Variants in ZBTB20 observed in about 807,000 individuals in gnomAD.
ZBTB20 encodes the protein zinc finger and BTB domain-containing protein 20.
Under a neutral mutation model 56.9 loss-of-function variants are expected in ZBTB20, and 9 were observed. The ratio of observed to expected loss-of-function variants is 0.16; its 90% confidence interval spans 0.10 to 0.28. The LOEUF is 0.28. Among genes scored for constraint, ZBTB20 ranks in the 10% least tolerant of loss-of-function variants. The pLI, the probability that ZBTB20 is intolerant of heterozygous loss-of-function variation, is 1.00. For synonymous variants in ZBTB20, 417 were observed against 420.7 expected, an observed-to-expected ratio of 0.99 and a Z score of 0.11; for missense variants, 655 against 1,003.0, an observed-to-expected ratio of 0.65 and a Z score of 4.69.
intron 4 of ZBTB20, among the ~76,000 whole-genome samples, chr3:114,805,422 C>T (rs998062097): frequency 6.6e-6 from 1 of 151,732 alleles, no homozygotes; most frequent in South Asian, 2.1e-4. Flanking sequence ...CCTTTTACAA[C>T]TTTGATTTGT....
rs2076826666 is a variant in ZBTB20, at chr3:114,944,641, T to G, written c.-456+29725A>C. 1.4e-5 allele frequency among the ~76,000 whole-genome samples: 2 copies of G among 145,582 alleles called. 1 individual carries two copies. The highest frequency in any genetic ancestry group is 5.6e-5 in the African/African-American group (2 of 35,774). The stretch of plus-strand genomic sequence containing the variant: ...GTTAAATACACACAACAGAATAATA[T>G]TCAGCCTTAGAAAATAAAGAAATCC... On this transcript the variant is annotated intron_variant, in intron 3 of 11. Coordinates refer to ENST00000675478, the MANE Select transcript of ZBTB20 (RefSeq NM_001348800.3).
rs887740825 is a variant in ZBTB20, at chr3:114,704,277, G to A, written c.-342-10702C>T. On this transcript the variant is annotated intron_variant, in intron 5 of 11. Transcript: ENST00000675478. ...TCTGCTTGCTTTCACTCTATATAAC[G>A]TCTATATTTATATGCTTATGCTTCT... Among the ~76,000 whole-genome samples, 10 of 151,844 alleles carry A rather than the reference G, an allele frequency of 6.6e-5. No individual in the cohort carries two copies. The East Asian group carries it at 1.4e-3, about 21-fold the overall frequency.
chr3:115,065,645 TATA>T (rs1268864106), intron 2 of ZBTB20, among the ~76,000 whole-genome samples: 1 of 152,214 alleles, frequency 6.6e-6, no homozygotes, highest in African/African-American at 2.4e-5. Context: ...ATCCTAGAGC[TATA>T]ATCATGCTAT....
At chr3:115,085,959 A>G (rs2082970987) in intron 1 of ZBTB20, among the ~76,000 whole-genome samples, 1 of 151,928 alleles carries the variant, frequency 6.6e-6, no homozygotes, top group Admixed American at 6.6e-5. Context: ...ACAATTTTTA[A>G]AAGCACCTAA....
chr3:114,963,963 A>G (rs1396188120), intron 3 of ZBTB20, among the ~76,000 whole-genome samples: 1 of 152,204 alleles, frequency 6.6e-6, no homozygotes, highest in Non-Finnish European at 1.5e-5. Context: ...TAAATTATGT[A>G]TACAACTGAC....
intron 7 of ZBTB20, among the ~76,000 whole-genome samples, chr3:114,492,684 T>C (rs776950851): frequency 7.2e-5 from 11 of 152,238 alleles, no homozygotes; most frequent in Non-Finnish European, 1.3e-4. Flanking sequence ...GCTACCTTGA[T>C]ATATATTTTT....
chr3:114,999,027 A>AT (rs2079138852), intron 2 of ZBTB20, among the ~76,000 whole-genome samples: 1 of 50,588 alleles, frequency 2.0e-5, no homozygotes, highest in South Asian at 7.5e-4. Flanking sequence ...GAGGTTGGGG[A>AT]GGGGAGGGGA....
rs567191543 is a variant in ZBTB20, at chr3:114,926,824, C to T, written c.-455-26482G>A. ...TGTCACCCAGGCTGGAATGCAGTGA[C>T]GTGATCATAGCTCACTGAAATTTCA... On this transcript the variant is annotated intron_variant, in intron 3 of 11. Coordinates refer to ENST00000675478, the MANE Select transcript of ZBTB20 (RefSeq NM_001348800.3). Among the ~76,000 whole-genome samples, 13 of 152,264 alleles carry T rather than the reference C, an allele frequency of 8.5e-5. No individual in the cohort carries two copies. The South Asian group carries it at 1.9e-3, about 22-fold the overall frequency.
At chr3:114,565,336 T>C (rs2052590119) in intron 6 of ZBTB20, among the ~76,000 whole-genome samples, 1 of 152,188 alleles carries the variant, frequency 6.6e-6, no homozygotes, top group African/African-American at 2.4e-5. Context: ...TCATAAACCA[T>C]AATTACCCGA....
At chr3:114,616,466 G>T (rs2057950647) in intron 6 of ZBTB20, among the ~76,000 whole-genome samples, 1 of 152,170 alleles carries the variant, frequency 6.6e-6, no homozygotes, top group Non-Finnish European at 1.5e-5. Flanking sequence ...CACTTCTGCA[G>T]CAGGATCTGG....
At chr3:114,611,859 G>C (rs1299137299) in intron 6 of ZBTB20, among the ~76,000 whole-genome samples, 1 of 146,206 alleles carries the variant, frequency 6.8e-6, no homozygotes, top group African/African-American at 2.6e-5. Flanking sequence ...CATTATTTTT[G>C]CTTGTCTCTG....
At chr3:114,883,122 T>C (rs1380666479) in intron 4 of ZBTB20, among the ~76,000 whole-genome samples, 1 of 152,224 alleles carries the variant, frequency 6.6e-6, no homozygotes, top group African/African-American at 2.4e-5. Flanking sequence ...CATGTGTTAA[T>C]AATCCAATAC....
chr3:114,495,567 T>C (rs1261043525), intron 7 of ZBTB20, among the ~76,000 whole-genome samples: 1 of 152,130 alleles, frequency 6.6e-6, no homozygotes, highest in Non-Finnish European at 1.5e-5. Flanking sequence ...TTTCTCTTAT[T>C]AAAAATACAT....
intron 1 of ZBTB20, among the ~76,000 whole-genome samples, chr3:115,126,716 C>A (rs2084343873): frequency 6.6e-6 from 1 of 152,016 alleles, no homozygotes; most frequent in South Asian, 2.1e-4. Context: ...AGTGGTAAAG[C>A]TGTATTATTT....
chr3:114,428,630 T>C (rs2089896216), intron 7 of ZBTB20, among the ~76,000 whole-genome samples: 1 of 152,228 alleles, frequency 6.6e-6, no homozygotes, highest in South Asian at 2.1e-4. Flanking sequence ...TCAATGGTTG[T>C]CCTGAAACAG....
chr3:115,050,729 C>G (rs986489714), intron 2 of ZBTB20, among the ~76,000 whole-genome samples: 1 of 151,942 alleles, frequency 6.6e-6, no homozygotes, highest in Non-Finnish European at 1.5e-5. Context: ...TTCACCGAAA[C>G]TTTTATGTGC....
chr3:114,785,761 A>T (rs1481018037), intron 5 of ZBTB20, among the ~76,000 whole-genome samples: 1 of 152,130 alleles, frequency 6.6e-6, no homozygotes, highest in East Asian at 1.9e-4. Flanking sequence ...ACCATTGTGC[A>T]TGTGTGTGAG....
chr3:114,997,686 A>G (rs2108194742), intron 2 of ZBTB20, among the ~76,000 whole-genome samples: 1 of 151,868 alleles, frequency 6.6e-6, no homozygotes, highest in East Asian at 2.0e-4. Flanking sequence ...AATTTCTAAA[A>G]AAGTAGAATT....
intron 6 of ZBTB20, among the ~76,000 whole-genome samples, chr3:114,675,153 C>A (rs937876547): frequency 1.3e-5 from 2 of 151,142 alleles, no homozygotes; most frequent in Non-Finnish European, 2.9e-5. Context: ...ATAGCCAATG[C>A]CCTGATCTTC....
Sources: allele counts gnomAD v4.1 joint callset (sites outside exome capture counted in the v4.1 genomes callset), GRCh38; gene constraint gnomAD v4.1.1; transcripts MANE v1.5; gene names NCBI Gene and HGNC (gene_info 2026-07-23, HGNC 2026-07-21).